The following SATL1 variants were observed in gnomAD, a reference collection of about 807,000 sequenced individuals.
SATL1 encodes spermidine/spermine N1-acetyl transferase like 1.
In SATL1, 47 loss-of-function variants were observed where a neutral mutation model predicts 51.8. That is an observed-to-expected ratio of 0.91 (90% CI 0.72 to 1.16). SATL1 has a LOEUF of 1.16. Among genes scored for constraint, SATL1 ranks in the 50% most tolerant of loss-of-function variants. The probability of loss-of-function intolerance (pLI) is 0.00; values close to 1 mark genes in which losing one functional copy is unlikely to be tolerated. For synonymous variants in SATL1, 176 were observed against 182.4 expected (o/e 0.97, Z 0.28); for missense variants, 520 against 526.4 (o/e 0.99, Z 0.12).
At chrX:85,218,442 T>C (rs1280157389) in intron 2 of SATL1, among the ~76,000 whole-genome samples, 1 of 111,709 alleles carries the variant, frequency 9.0e-6, no homozygotes, top group Non-Finnish European at 1.9e-5. Context: ...AGATTTTTAA[T>C]TGCCAAAAAG....
chrX:85,204,082 G>A (rs998203278), intron 2 of SATL1, among the ~76,000 whole-genome samples: 1 of 111,966 alleles, frequency 8.9e-6, no homozygotes, highest in Non-Finnish European at 1.9e-5. Flanking sequence ...AAGACTGAAG[G>A]CTCTGGTGGA....
At position 85,092,413 on chromosome X, in the gene SATL1, A is replaced by G. The variant is rs768238031; in HGVS notation, c.2066T>C (p.Leu689Pro). ...CTTTCATTCTTCCCATGCCATGTCCAGGAGTTCTTCTCTGTTAAACCTGAA... is the reference window on the plus strand; with the variant it reads ...CTTTCATTCTTCCCATGCCATGTCCGGGAGTTCTTCTCTGTTAAACCTGAA... ...HLFRFNREEL[L>P]DMAWEE is the part of the protein sequence containing the mutation. The change falls in exon 8 of 8, where the codon CTG becomes CCG. Residue 689 changes from leucine (L) to proline (P), a missense_variant. By Grantham distance (98) the Leu-to-Pro change is moderately conservative (BLOSUM62 -3). This residue lies in a region of SATL1 where 488 missense variants were observed against 474.3 expected (regional missense o/e 1.03). Coordinates refer to ENST00000644105, the MANE Select transcript of SATL1 (RefSeq NM_001367857.2). 28 of 1,178,702 alleles carry G rather than the reference A, an allele frequency of 2.4e-5. No individual in the cohort carries two copies. Among genetic ancestry groups the G allele is most frequent in the Middle Eastern group, 2.3e-4 (1 of 4,305 alleles).
chrX:85,198,416 C>T (rs1469039026), intron 2 of SATL1, among the ~76,000 whole-genome samples: 1 of 111,578 alleles, frequency 9.0e-6, no homozygotes, highest in Non-Finnish European at 1.9e-5. Context: ...AACTGTTCTC[C>T]ATAGTGGTTG....
At chrX:85,185,193 C>G (rs1052322724) in intron 2 of SATL1, among the ~76,000 whole-genome samples, 1 of 112,595 alleles carries the variant, frequency 8.9e-6, no homozygotes, top group African/African-American at 3.2e-5. Context: ...CTCAGTCTCT[C>G]TCTGTGTGTG....
intron 2 of SATL1, among the ~76,000 whole-genome samples, chrX:85,146,686 G>A (rs955019982): frequency 2.7e-5 from 3 of 112,053 alleles, no homozygotes; most frequent in Admixed American, 9.4e-5. Flanking sequence ...TTTACTGTTC[G>A]ATGGGGTAAC....
intron 2 of SATL1, among the ~76,000 whole-genome samples, chrX:85,124,434 T>C (rs773093666): frequency 1.7e-3 from 190 of 112,232 alleles, no homozygotes; most frequent in African/African-American, 5.8e-3. Context: ...ATGGTAATAA[T>C]ACCTTCCTCA....
At chrX:85,188,576 T>G (rs1339315633) in intron 2 of SATL1, among the ~76,000 whole-genome samples, 2 of 110,888 alleles carry the variant, frequency 1.8e-5, no homozygotes, top group Non-Finnish European at 3.8e-5. Flanking sequence ...AGCCCAGGTG[T>G]CTGAGGCTAT....
chrX:85,152,987 A>T (rs1214233918), intron 2 of SATL1, among the ~76,000 whole-genome samples: 2 of 110,195 alleles, frequency 1.8e-5, no homozygotes, highest in Non-Finnish European at 3.8e-5. Flanking sequence ...AAATAAAAAT[A>T]AAATAAAAAT....
intron 2 of SATL1, among the ~76,000 whole-genome samples, chrX:85,120,605 A>C (rs2147700519): frequency 8.9e-6 from 1 of 111,812 alleles, no homozygotes; most frequent in African/African-American, 3.2e-5. Flanking sequence ...GCTTCATTTA[A>C]ACTTTGGAAC....
intron 1 of SATL1, among the ~76,000 whole-genome samples, chrX:85,230,181 G>A (rs1602928603): frequency 9.0e-6 from 1 of 111,446 alleles, no homozygotes; most frequent in African/African-American, 3.3e-5. Context: ...ATATTACAAA[G>A]CTATAGTAAT....
rs1452258648 is a variant in SATL1, at chrX:85,220,605, C to T, written c.-313+3600G>A. On this transcript the variant is annotated intron_variant, in intron 2 of 7. Transcript: ENST00000644105. The stretch of plus-strand genomic sequence containing the variant: ...GGGCACCGATCAGAGTCATAAGGAC[C>T]CTGTTCCAGGCCCTAGCTCCCAGGC... Among the ~76,000 whole-genome samples the T allele has an allele frequency of 5.5e-5, 5 of 91,114 alleles. No individual in the cohort carries two copies. In the Admixed American group the frequency reaches 6.9e-4, roughly 13 times the overall value. 79.1% of individuals were successfully genotyped at this position (91,114 alleles called of 115,157 possible).
At chrX:85,150,996 C>T (rs1161750029) in intron 2 of SATL1, among the ~76,000 whole-genome samples, 5 of 110,663 alleles carry the variant, frequency 4.5e-5, no homozygotes, top group African/African-American at 9.9e-5. Context: ...AAATAAAGGG[C>T]ATTCAATTAG....
chrX:85,214,966 A>G (rs1928010850), intron 2 of SATL1, among the ~76,000 whole-genome samples: 1 of 111,774 alleles, frequency 8.9e-6, no homozygotes, highest in South Asian at 3.7e-4. Flanking sequence ...TTGCAGTCCA[A>G]TGCTTACAGT....
At chrX:85,157,258 G>C (rs761540355) in intron 2 of SATL1, among the ~76,000 whole-genome samples, 1 of 110,406 alleles carries the variant, frequency 9.1e-6, no homozygotes, top group South Asian at 3.8e-4. Flanking sequence ...ATGAATCAAG[G>C]AGAGTGGCAA....
Position 85,124,621 on chromosome X carries a change from G to A in SATL1, c.-312-15341C>T, listed in dbSNP as rs1925577479. Reference sequence around the variant, plus strand: ...GTAACCCTAAGAGAAGACTCCCACTGTGTGGAGGGTAGCAAAGATCATCAC... The same window carrying A: ...GTAACCCTAAGAGAAGACTCCCACTATGTGGAGGGTAGCAAAGATCATCAC... On this transcript the variant is annotated intron_variant, in intron 2 of 7. Transcript: ENST00000644105. Among the ~76,000 whole-genome samples, 3 of 111,584 alleles carry A rather than the reference G, an allele frequency of 2.7e-5. No homozygotes were observed. The South Asian group carries it at 1.1e-3, about 42-fold the overall frequency.
intron 2 of SATL1, among the ~76,000 whole-genome samples, chrX:85,135,070 A>G (rs1001634491): frequency 2.7e-5 from 3 of 111,640 alleles, no homozygotes; most frequent in African/African-American, 9.8e-5. Flanking sequence ...AAACTAATGC[A>G]GGAAGAGAAA....
At chrX:85,147,618 G>A (rs1926292908) in intron 2 of SATL1, among the ~76,000 whole-genome samples, 1 of 111,382 alleles carries the variant, frequency 9.0e-6, no homozygotes, top group Non-Finnish European at 1.9e-5. Context: ...ACTCCTCTGA[G>A]ACAAAACTTC....
At chrX:85,101,970 A>C (rs1924903762) in intron 4 of SATL1, among the ~76,000 whole-genome samples, 1 of 110,310 alleles carries the variant, frequency 9.1e-6, no homozygotes, top group African/African-American at 3.3e-5. Flanking sequence ...AGAATAGACA[A>C]ATTTGTAGAG....
intron 3 of SATL1, among the ~76,000 whole-genome samples, chrX:85,104,939 C>A (rs953824204): frequency 6.3e-5 from 7 of 111,522 alleles, no homozygotes; most frequent in Non-Finnish European, 1.1e-4. Flanking sequence ...ATACAGAAGG[C>A]TGACTGCATA....
Sources: gnomAD v4.1 joint callset for allele counts (sites outside exome capture counted in the v4.1 genomes callset) on GRCh38, gnomAD v4.1.1 for gene constraint, gnomAD v4.1.1 regional missense constraint, MANE v1.5 for transcripts, NCBI Gene and HGNC (gene_info 2026-07-23, HGNC 2026-07-21) for gene names.